SLC35D1: variants seen among roughly 807,000 people sequenced by gnomAD.
SLC35D1 encodes solute carrier family 35 member D1.
SLC35D1 carries 31 observed loss-of-function variants against 46.7 expected under a neutral mutation model. The ratio of observed to expected loss-of-function variants is 0.66; its 90% CI spans 0.50 to 0.90. The LOEUF (loss-of-function observed/expected upper bound fraction) is 0.90. Among genes scored for constraint, SLC35D1 ranks in the 40% least tolerant of loss-of-function variants. SLC35D1 has a pLI of 0.00. For synonymous variants in SLC35D1, 195 were observed against 164.6 expected (o/e 1.18, Z -1.41); for missense variants, 397 against 426.2 (o/e 0.93, Z 0.60).
At chr1:66,993,084 T>C in the SLC35D1 span, among the ~76,000 whole-genome samples, 2 of 152,246 alleles carry the variant, frequency 1.3e-5, no homozygotes, top group South Asian at 4.1e-4. Context: ...ATAGAAAACA[T>C]GTTGCTTGCA....
chr1:67,022,504 G>A (rs1464138505), intron 8 of SLC35D1, among the ~76,000 whole-genome samples: 1 of 152,118 alleles, frequency 6.6e-6, no homozygotes, highest in Non-Finnish European at 1.5e-5. Context: ...GCTCCCTTGT[G>A]GGGCCCTTCC....
Position 67,009,132 on chromosome 1 carries a change from A to C in SLC35D1, c.912T>G (p.Gly304=). 2 of 1,494,158 alleles carry C rather than the reference A, an allele frequency of 1.3e-6. No individual in the cohort carries two copies. Among genetic ancestry groups the C allele is most frequent in the Non-Finnish European group, 1.9e-6 (2 of 1,075,612 alleles). The allele number at this position is 1,494,158 out of a possible 1,614,324, so 92.6% of individuals were successfully genotyped here. Residue 304 remains glycine, a synonymous_variant, in exon 11 of 12, where the codon GGT becomes GGG. Transcript: ENST00000235345. ...TTGTCCACGTGAAAATATAATCTCC[A>C]CCAAAGACCATTCCAATATAAGTTA... ...ILITYIGMVF[G]GDYIFTWTNF... is the part of the protein sequence containing the mutation.
intron 8 of SLC35D1, among the ~76,000 whole-genome samples, chr1:67,027,437 T>C (rs1010615589): frequency 4.6e-5 from 7 of 152,080 alleles, no homozygotes; most frequent in Admixed American, 3.9e-4. Context: ...TCTAGTTTCC[T>C]TTTTTTATTC....
intron 10 of SLC35D1, among the ~76,000 whole-genome samples, chr1:67,013,692 C>T (rs968854170): frequency 2.4e-4 from 36 of 152,194 alleles, no homozygotes; most frequent in African/African-American, 8.7e-4. Context: ...AAAAAGGTGC[C>T]ATCTACCTCT....
At position 67,052,755 on chromosome 1, in the gene SLC35D1, G is replaced by A. The variant is rs775795715; in HGVS notation, c.324+16C>T. On this transcript the variant is annotated intron_variant, in intron 3 of 11. Coordinates refer to ENST00000235345, the MANE Select transcript of SLC35D1 (RefSeq NM_015139.3). Reference sequence around the variant, plus strand: ...ACTTCATTTCACAAAATAAAGTATCGCTTTTCTTCTTTTACCTTTCGAGGT... The same window carrying A: ...ACTTCATTTCACAAAATAAAGTATCACTTTTCTTCTTTTACCTTTCGAGGT... 27 of 1,612,172 alleles carry A rather than the reference G, an allele frequency of 1.7e-5. 1 individual carries two copies. In the South Asian group the frequency reaches 2.4e-4, roughly 14 times the overall value.
chr1:67,019,685 T>A (rs1667758199), intron 10 of SLC35D1, among the ~76,000 whole-genome samples: 1 of 152,200 alleles, frequency 6.6e-6, no homozygotes, highest in African/African-American at 2.4e-5. Context: ...GGTTTTGCCT[T>A]TTTAAGGAAG....
At chr1:67,051,982 A>C (rs1055833112) in intron 4 of SLC35D1, 30 bp downstream of exon 4, 1 of 1,397,112 alleles carries the variant, frequency 7.2e-7, no homozygotes, top group Non-Finnish European at 1.0e-6. Flanking sequence ...CATTATATTA[A>C]CCTCACTAGT....
intron 8 of SLC35D1, among the ~76,000 whole-genome samples, chr1:67,032,542 G>T (rs775274136): frequency 6.6e-6 from 1 of 151,954 alleles, no homozygotes; most frequent in African/African-American, 2.4e-5. Flanking sequence ...TTAGCTGGGC[G>T]TGGTGGCGTG....
chr1:66,991,712 C>A, the SLC35D1 span, among the ~76,000 whole-genome samples: 1 of 152,200 alleles, frequency 6.6e-6, no homozygotes, highest in Non-Finnish European at 1.5e-5. Context: ...CCAACTATAT[C>A]TCCTATTGTT....
chr1:66,986,665 C>G, the SLC35D1 span: 1 of 519,986 alleles, frequency 1.9e-6, no homozygotes. Context: ...CAACACTTGA[C>G]TTCATCTTAA....
At chr1:67,016,344 G>T (rs1442807934) in intron 10 of SLC35D1, among the ~76,000 whole-genome samples, 1 of 151,944 alleles carries the variant, frequency 6.6e-6, no homozygotes, top group East Asian at 1.9e-4. Context: ...ACAATCGGTA[G>T]AGTCCAAAAT....
chr1:67,049,149 C>T (rs187154009), intron 6 of SLC35D1, among the ~76,000 whole-genome samples: 22 of 152,258 alleles, frequency 1.4e-4, no homozygotes, highest in Middle Eastern at 3.4e-3. Flanking sequence ...AAAAAATTAG[C>T]TGGGTGTGGT....
At chr1:67,009,711 T>G (rs1238865093) in intron 10 of SLC35D1, among the ~76,000 whole-genome samples, 1 of 152,062 alleles carries the variant, frequency 6.6e-6, no homozygotes, top group African/African-American at 2.4e-5. Flanking sequence ...GAAAAAGGAA[T>G]GCTTATTTAT....
chr1:67,004,489 G>A (rs961813234), intron 11 of SLC35D1, 41 bp from the exon 12 acceptor site: 1 of 1,563,698 alleles, frequency 6.4e-7, no homozygotes, highest in Non-Finnish European at 8.8e-7. Context: ...GAGGAAGGGA[G>A]GGTTTTAGTG....
At chr1:66,984,538 A>G in the SLC35D1 span, 8 of 1,480,722 alleles carry the variant, frequency 5.4e-6, no homozygotes, top group Non-Finnish European at 7.3e-6. Context: ...ACTTTTTTCT[A>G]ATTGTGGTTT....
At chr1:66,986,276 C>T in the SLC35D1 span, 1 of 1,447,372 alleles carries the variant, frequency 6.9e-7, no homozygotes, top group Non-Finnish European at 9.0e-7. Context: ...TCTGCATAGC[C>T]TTGTAAAAGT....
At chr1:67,037,406 G>A (rs1668146742) in intron 8 of SLC35D1, among the ~76,000 whole-genome samples, 1 of 152,054 alleles carries the variant, frequency 6.6e-6, no homozygotes, top group Non-Finnish European at 1.5e-5. Flanking sequence ...TCAATACAAA[G>A]GCTAAACTCT....
At chr1:67,048,366 T>A (rs376443047) in intron 6 of SLC35D1, among the ~76,000 whole-genome samples, 1 of 152,152 alleles carries the variant, frequency 6.6e-6, no homozygotes, top group South Asian at 2.1e-4. Flanking sequence ...TTGGGTCCCA[T>A]CAGCTTCAAG....
Position 67,016,652 on chromosome 1 carries a change from T to C in SLC35D1, c.876+3717A>G, listed in dbSNP as rs912367247. On this transcript the variant is annotated intron_variant, in intron 10 of 11. Coordinates refer to ENST00000235345, the MANE Select transcript of SLC35D1 (RefSeq NM_015139.3). ...TAATTTACAACAATTGGGTAAAATA[T>C]ACTTTGTGAACAAATTTAAAACATC... Among the ~76,000 whole-genome samples, 7 of 152,244 alleles carry C rather than the reference T, an allele frequency of 4.6e-5. No homozygotes were observed. The South Asian group carries it at 1.2e-3, about 27-fold the overall frequency.
Sources: gnomAD v4.1 joint callset for allele counts (sites outside exome capture counted in the v4.1 genomes callset) on GRCh38, gnomAD v4.1.1 for gene constraint, MANE v1.5 for transcripts, NCBI Gene and HGNC (gene_info 2026-07-23, HGNC 2026-07-21) for gene names.